Variants in SRGAP2 observed in about 807,000 individuals in gnomAD.
SRGAP2 encodes the protein SLIT-ROBO Rho GTPase-activating protein 2.
SRGAP2 carries 15 observed loss-of-function variants against 57.2 expected under a neutral mutation model. That is an observed-to-expected ratio of 0.26 (90% CI 0.18 to 0.40). SRGAP2 has a LOEUF of 0.40. SRGAP2 is among the 10% of genes least tolerant of loss of function. The probability of loss-of-function intolerance (pLI) is 1.00; values close to 1 mark genes in which losing one functional copy is unlikely to be tolerated. For missense variants in SRGAP2, 520 were observed against 669.6 expected (o/e 0.78, Z 2.47); for synonymous variants, 249 against 248.0 (o/e 1.00, Z -0.04).
chr1:206,430,324 A>G, intron 14 of SRGAP2, 102 bp downstream of exon 14: 1 of 731,880 alleles, frequency 1.4e-6, no homozygotes, highest in Non-Finnish European at 2.6e-6. Flanking sequence ...CCATCCTGGC[A>G]TTCTCAGAAA....
chr1:206,461,002 A>G, intron 22 of SRGAP2, 35 bp from the exon 23 acceptor site: 2 of 667,980 alleles, frequency 3.0e-6, no homozygotes. Context: ...TTCTCCCCTC[A>G]TTTGCCTCAC....
chr1:206,432,740 G>T (rs1437250573), intron 14 of SRGAP2, among the ~76,000 whole-genome samples: 4 of 152,198 alleles, frequency 2.6e-5, no homozygotes, highest in African/African-American at 9.7e-5. Context: ...TAAATCCATA[G>T]TAAGTTGAAA....
intron 2 of SRGAP2, among the ~76,000 whole-genome samples, chr1:206,291,733 C>T (rs1424577314): frequency 1.3e-5 from 2 of 149,262 alleles, no homozygotes; most frequent in Non-Finnish European, 2.9e-5. Context: ...GATGTGTCTG[C>T]CTATAACTTT....
chr1:206,290,376 G>T (rs1671242611), intron 2 of SRGAP2, among the ~76,000 whole-genome samples: 1 of 152,152 alleles, frequency 6.6e-6, no homozygotes, highest in South Asian at 2.1e-4. Flanking sequence ...GTCGGGCACG[G>T]TGGCTCATGC....
chr1:206,416,724 G>C lies in SRGAP2; in HGVS notation c.1441+751G>C, dbSNP rs1659735157. ...TCCTGCCCAACTCTCAGCATCCTATGATTAATGGGATTCCCAGGTTGGGGA... is the reference window on the plus strand; with the variant it reads ...TCCTGCCCAACTCTCAGCATCCTATCATTAATGGGATTCCCAGGTTGGGGA... On this transcript the variant is annotated intron_variant, in intron 11 of 22. Transcript: ENST00000573034. Among the ~76,000 whole-genome samples, 3 of 152,104 alleles carry C rather than the reference G, an allele frequency of 2.0e-5. No homozygotes were observed. The South Asian group carries it at 6.2e-4, about 32-fold the overall frequency.
intron 4 of SRGAP2, among the ~76,000 whole-genome samples, chr1:206,372,961 T>TTTCTTTCTTTCCTTCC (rs1654753673): frequency 9.1e-5 from 1 of 11,042 alleles, no homozygotes; most frequent in Non-Finnish European, 1.6e-4. Context: ...CTTTCTTTTC[T>TTTCTTTCTTTCCTTCC]TTCCTTTCTT....
intron 4 of SRGAP2, among the ~76,000 whole-genome samples, chr1:206,364,299 CTTT>C (rs1194605542): frequency 4.2e-5 from 5 of 118,578 alleles, no homozygotes; most frequent in South Asian, 3.2e-4. Context: ...GGTTGCTCTT[CTTT>C]TTTTTTTTTT....
intron 7 of SRGAP2, among the ~76,000 whole-genome samples, chr1:206,395,632 A>G (rs548671107): frequency 3.6e-4 from 55 of 151,848 alleles, no homozygotes; most frequent in Middle Eastern, 3.4e-3. Context: ...CACCACTGCT[A>G]TTGGTTAGCC....
intron 2 of SRGAP2, among the ~76,000 whole-genome samples, chr1:206,257,647 C>T (rs1465060912): frequency 7.4e-6 from 1 of 135,818 alleles, no homozygotes; most frequent in African/African-American, 2.7e-5. Context: ...TGCTGGGAAC[C>T]TAGGGGGTGA....
At chr1:206,372,807 A>G (rs1447257162) in intron 4 of SRGAP2, among the ~76,000 whole-genome samples, 1 of 84,012 alleles carries the variant, frequency 1.2e-5, no homozygotes, top group Non-Finnish European at 2.3e-5. Flanking sequence ...CACTTTAAAT[A>G]TAAGGATAAA....
intron 12 of SRGAP2, 82 bp downstream of exon 12, chr1:206,419,482 G>A (rs960878647): frequency 1.3e-6 from 1 of 775,506 alleles, no homozygotes; most frequent in African/African-American, 1.7e-5. Context: ...GAGCCAAGGA[G>A]TTGAGTTGTA....
In SRGAP2 at chr1:206,440,020, C is replaced by G. The variant is rs535889260; in HGVS notation, c.1813C>G (p.Leu605Val). 3 of 780,900 alleles carry G rather than the reference C, an allele frequency of 3.8e-6. No individual in the cohort carries two copies. The highest frequency in any genetic ancestry group is 4.8e-6 in the Non-Finnish European group (2 of 417,968). The allele number at this position is 780,900 out of a possible 1,614,324, so 48.4% of individuals were successfully genotyped here. Residue 605 changes from leucine to valine, a missense_variant, in exon 17 of 23, where the codon CTC becomes GTC. Around this residue, in one of 5 missense-constraint regions of SRGAP2, gnomAD observed 478 missense variants for 373.6 expected, o/e 1.28. Transcript: ENST00000573034. ...QERALHIRKV[L>V]LVLPKTTLII... ...GAGAGCTCTGCACATCCGGAAAGTC[C>G]TCCTAGTCCTGCCCAAAACCACTCT... is the stretch of plus-strand genomic sequence containing the variant.
chr1:206,418,888 C>CTCTCTGTG (rs1553363092), intron 11 of SRGAP2, among the ~76,000 whole-genome samples: 32 of 136,560 alleles, frequency 2.3e-4, no homozygotes, highest in East Asian at 6.4e-4. Flanking sequence ...CCAACTCTCT[C>CTCTCTGTG]TGTGTGTGTG....
chr1:206,319,180 G>A (rs1196694594), intron 3 of SRGAP2, among the ~76,000 whole-genome samples: 1 of 149,348 alleles, frequency 6.7e-6, no homozygotes, highest in Non-Finnish European at 1.5e-5. Context: ...GGGAGGCCGA[G>A]GCGGGCGGAT....
At chr1:206,404,298 GAAGA>G (rs1553356766) in intron 8 of SRGAP2, among the ~76,000 whole-genome samples, 1 of 149,968 alleles carries the variant, frequency 6.7e-6, no homozygotes, top group Admixed American at 6.6e-5. Flanking sequence ...CCCTCCATTT[GAAGA>G]AAGGTTTTTT....
intron 21 of SRGAP2, among the ~76,000 whole-genome samples, chr1:206,456,663 C>T (rs972256334): frequency 6.6e-6 from 1 of 152,114 alleles, no homozygotes; most frequent in East Asian, 1.9e-4. Flanking sequence ...CCCTTGAACT[C>T]CTTGTTTGCT....
chr1:206,286,339 A>G (rs1279864566), intron 2 of SRGAP2, among the ~76,000 whole-genome samples: 2 of 152,236 alleles, frequency 1.3e-5, no homozygotes, highest in Admixed American at 1.3e-4. Flanking sequence ...TAATTTCTAA[A>G]GGAATAACTC....
At chr1:206,423,718 T>TA (rs71152468) in intron 13 of SRGAP2, among the ~76,000 whole-genome samples, 7,299 of 152,048 alleles carry the variant, frequency 0.048, 445 homozygotes, top group African/African-American at 0.13. Context: ...CTAACCCTCT[T>TA]ACTCATGTGA....
chr1:206,442,653 T>C (rs1332824001), intron 17 of SRGAP2, among the ~76,000 whole-genome samples: 2 of 152,220 alleles, frequency 1.3e-5, no homozygotes, highest in Non-Finnish European at 2.9e-5. Context: ...TATTGGGTTT[T>C]TTTCTGATTG....
Sources: gnomAD v4.1 joint callset for allele counts (sites outside exome capture counted in the v4.1 genomes callset) on GRCh38, gnomAD v4.1.1 for gene constraint, gnomAD v4.1.1 regional missense constraint, MANE v1.5 for transcripts, NCBI Gene and HGNC (gene_info 2026-07-23, HGNC 2026-07-21) for gene names.